The following PPARGC1A variants were observed in gnomAD, a reference collection of about 807,000 sequenced individuals.
PPARGC1A encodes the protein peroxisome proliferator-activated receptor gamma coactivator 1-alpha.
A neutral mutation model predicts 88.7 loss-of-function variants in PPARGC1A; 25 were observed. The ratio of observed to expected loss-of-function variants is 0.28; its 90% CI spans 0.21 to 0.39. PPARGC1A has a LOEUF of 0.39. Among genes scored for constraint, PPARGC1A ranks in the 10% least tolerant of loss-of-function variants. The pLI is 1.00. For missense variants in PPARGC1A, 880 were observed against 968.7 expected, an observed-to-expected ratio of 0.91 and a Z score of 1.22; for synonymous variants, 363 against 355.6, an observed-to-expected ratio of 1.02 and a Z score of -0.24.
chr4:24,109,014 A>G, the PPARGC1A span, among the ~76,000 whole-genome samples: 76 of 150,134 alleles, frequency 5.1e-4, no homozygotes, highest in African/African-American at 1.5e-3. Context: ...ACACACACAC[A>G]CACACCACAC....
the PPARGC1A span, among the ~76,000 whole-genome samples, chr4:24,470,778 CG>C: frequency 6.6e-6 from 1 of 151,738 alleles, no homozygotes; most frequent in South Asian, 2.1e-4. The surrounding 1 kb of genome is among the most constrained non-coding windows in gnomAD (Gnocchi z 5.8). Context: ...GCTGCTGCCG[CG>C]GCGGCGGGAG....
the PPARGC1A span, among the ~76,000 whole-genome samples, chr4:24,264,442 G>A: frequency 6.6e-6 from 1 of 152,228 alleles, no homozygotes; most frequent in Non-Finnish European, 1.5e-5. Context: ...AAGGTGCCGT[G>A]AGGACTGCAT....
the PPARGC1A span, among the ~76,000 whole-genome samples, chr4:24,050,724 G>A: frequency 1.3e-5 from 2 of 152,118 alleles, no homozygotes; most frequent in African/African-American, 4.8e-5. Flanking sequence ...TGTTGTGGTT[G>A]TTCTTCAGTA....
chr4:24,122,432 T>TAGAG, the PPARGC1A span, among the ~76,000 whole-genome samples: 30 of 135,926 alleles, frequency 2.2e-4, no homozygotes, highest in African/African-American at 4.4e-4. Flanking sequence ...TATATATATA[T>TAGAG]ATATAGAGAG....
chr4:24,121,079 G>A, the PPARGC1A span, among the ~76,000 whole-genome samples: 1 of 152,178 alleles, frequency 6.6e-6, no homozygotes, highest in Non-Finnish European at 1.5e-5. Flanking sequence ...TGAAAAACAG[G>A]GGTAGTAATA....
chr4:24,342,091 C>T, the PPARGC1A span, among the ~76,000 whole-genome samples: 1 of 152,156 alleles, frequency 6.6e-6, no homozygotes, highest in Non-Finnish European at 1.5e-5. Context: ...ACACGTTTAT[C>T]TTTATTGTAA....
the PPARGC1A span, among the ~76,000 whole-genome samples, chr4:24,438,325 C>T: frequency 2.6e-5 from 4 of 152,116 alleles, no homozygotes; most frequent in Non-Finnish European, 5.9e-5. Context: ...TTATCCCATT[C>T]TCTCCAGAGC....
the PPARGC1A span, among the ~76,000 whole-genome samples, chr4:24,429,801 G>A: frequency 2.6e-5 from 4 of 151,912 alleles, no homozygotes; most frequent in South Asian, 4.2e-4. Context: ...ACAGGCACCC[G>A]CCACCAGGCC....
At chr4:24,352,308 C>T in the PPARGC1A span, among the ~76,000 whole-genome samples, 26 of 152,268 alleles carry the variant, frequency 1.7e-4, no homozygotes, top group Non-Finnish European at 7.4e-5. Flanking sequence ...GGATGTAAGG[C>T]GCCCTCCCCT....
chr4:24,284,745 A>C, the PPARGC1A span, among the ~76,000 whole-genome samples: 1 of 152,162 alleles, frequency 6.6e-6, no homozygotes, highest in East Asian at 1.9e-4. Context: ...AAGAAAGAAG[A>C]AGCCCGGGCA....
chr4:24,014,743 C>T, the PPARGC1A span, among the ~76,000 whole-genome samples: 1 of 152,028 alleles, frequency 6.6e-6, no homozygotes, highest in East Asian at 1.9e-4. Context: ...CAGGAAAGAC[C>T]CACCCCCTCT....
chr4:24,166,751 A>G, the PPARGC1A span, among the ~76,000 whole-genome samples: 1,228 of 152,310 alleles, frequency 8.1e-3, 10 homozygotes, highest in Middle Eastern at 0.051. Flanking sequence ...TGTTTATAGC[A>G]TGGTTTACTG....
chr4:24,191,803 T>G, the PPARGC1A span, among the ~76,000 whole-genome samples: 1 of 152,150 alleles, frequency 6.6e-6, no homozygotes, highest in Non-Finnish European at 1.5e-5. Context: ...AGGCCATAAC[T>G]CCAACTTCTG....
At chr4:24,339,212 G>GTA in the PPARGC1A span, among the ~76,000 whole-genome samples, 9 of 59,044 alleles carry the variant, frequency 1.5e-4, no homozygotes, top group African/African-American at 3.2e-4. Flanking sequence ...GTGTGTGTGT[G>GTA]TATATATATA....
chr4:23,842,418 C>T (rs1415090181), intron 2 of PPARGC1A, among the ~76,000 whole-genome samples: 1 of 152,030 alleles, frequency 6.6e-6, no homozygotes, highest in African/African-American at 2.4e-5. Context: ...TCAACAAGTC[C>T]AACTCTATTG....
chr4:24,280,295 A>G, the PPARGC1A span, among the ~76,000 whole-genome samples: 1 of 152,220 alleles, frequency 6.6e-6, no homozygotes, highest in African/African-American at 2.4e-5. Flanking sequence ...CACAGCTGCT[A>G]TCTAAACTTT....
chr4:24,073,863 G>A, the PPARGC1A span, among the ~76,000 whole-genome samples: 4 of 152,152 alleles, frequency 2.6e-5, no homozygotes, highest in African/African-American at 9.6e-5. Flanking sequence ...CCAGCTGTGT[G>A]TCTCAGTGTG....
chr4:23,961,330 G>C, the PPARGC1A span, among the ~76,000 whole-genome samples: 1 of 152,250 alleles, frequency 6.6e-6, no homozygotes, highest in East Asian at 1.9e-4. Context: ...ACTTCTTGAG[G>C]ATTTCAGGGA....
At chr4:24,380,911 TAGTAA>T in the PPARGC1A span, among the ~76,000 whole-genome samples, 1 of 151,212 alleles carries the variant, frequency 6.6e-6, no homozygotes, top group Admixed American at 6.6e-5. Context: ...CTGCATGGAT[TAGTAA>T]GCAAGTCATA....
Sources: gnomAD v4.1 joint callset for allele counts (sites outside exome capture counted in the v4.1 genomes callset) on GRCh38, gnomAD v4.1.1 for gene constraint, Gnocchi (gnomAD v3.1) non-coding constraint, MANE v1.5 for transcripts, NCBI Gene and HGNC (gene_info 2026-07-23, HGNC 2026-07-21) for gene names.